The following LRP1B variants were observed in gnomAD, a reference collection of about 807,000 sequenced individuals.
LRP1B encodes the protein LDL receptor related protein 1B.
LRP1B carries 217 observed loss-of-function variants against 556.6 expected under a neutral mutation model. The ratio of observed to expected loss-of-function variants is 0.39; its 90% confidence interval spans 0.35 to 0.44. The LOEUF (loss-of-function observed/expected upper bound fraction) is 0.44. Among genes scored for constraint, LRP1B ranks in the 20% least tolerant of loss-of-function variants. LRP1B has a pLI of 1.00. For missense variants in LRP1B, 5,053 were observed against 5,620.8 expected (o/e 0.90, Z 3.23); for synonymous variants, 2,047 against 1,865.8 (o/e 1.10, Z -2.50).
At chr2:141,125,598 T>G (rs1188449750) in intron 7 of LRP1B, among the ~76,000 whole-genome samples, 1 of 152,120 alleles carries the variant, frequency 6.6e-6, no homozygotes, top group African/African-American at 2.4e-5. Context: ...CCTTGCACAG[T>G]GAAGGCACAC....
At chr2:140,629,724 A>C (rs1683810078) in intron 41 of LRP1B, among the ~76,000 whole-genome samples, 1 of 152,218 alleles carries the variant, frequency 6.6e-6, no homozygotes, top group Non-Finnish European at 1.5e-5. Context: ...TCTTCCTATC[A>C]TACAAAGACA....
At chr2:140,840,120 G>T in intron 30 of LRP1B, 35 bp from the exon 31 acceptor site, 1 of 1,190,614 alleles carries the variant, frequency 8.4e-7, no homozygotes, top group Non-Finnish European at 1.2e-6. Context: ...GAAAATATTA[G>T]ATGTAGACCT....
intron 18 of LRP1B, among the ~76,000 whole-genome samples, chr2:140,973,430 G>GTAGAGA (rs1464133522): frequency 6.6e-6 from 1 of 152,058 alleles, no homozygotes; most frequent in Non-Finnish European, 1.5e-5. Context: ...GGATGGGGGG[G>GTAGAGA]TAGAGAGGAC....
At chr2:141,259,970 A>C (rs753338001) in intron 3 of LRP1B, among the ~76,000 whole-genome samples, 1 of 152,158 alleles carries the variant, frequency 6.6e-6, no homozygotes, top group Non-Finnish European at 1.5e-5. Flanking sequence ...TTATCCTGCC[A>C]TATCGTATAT....
Position 140,700,484 on chromosome 2 carries a change from A to T in LRP1B, c.6565T>A (p.Leu2189Ile), listed in dbSNP as rs2105421162. The change falls in exon 41 of 91, where the codon TTA becomes ATA. Residue 2189 changes from leucine (L) to isoleucine (I), a missense_variant. By Grantham distance (5) the Leu-to-Ile change is conservative (BLOSUM62 2). This residue lies in a region of LRP1B where 3,619 missense variants were observed against 3,931.9 expected (regional missense o/e 0.92). Coordinates refer to ENST00000389484, the MANE Select transcript of LRP1B (RefSeq NM_018557.3). Reference protein sequence around the residue: ...GVTCLRHEGYLLYSGRTILKS... With the variant: ...GVTCLRHEGYILYSGRTILKS... ...AATATTGTTCTTCCTGAATACAGTA[A>T]ATAGCCTTCATGCCTCAGGCAAGTA... The T allele has an allele frequency of 6.2e-7, 1 of 1,613,540 alleles. No homozygotes were observed. The highest frequency in any genetic ancestry group is 1.1e-5 in the South Asian group (1 of 91,070).
intron 3 of LRP1B, among the ~76,000 whole-genome samples, chr2:141,344,678 T>A (rs999742226): frequency 6.6e-6 from 1 of 152,322 alleles, no homozygotes; most frequent in East Asian, 1.9e-4. Context: ...CATTGAAATA[T>A]AAGCTCCATA....
At chr2:141,129,177 A>T (rs1558880417) in intron 7 of LRP1B, among the ~76,000 whole-genome samples, 1 of 152,168 alleles carries the variant, frequency 6.6e-6, no homozygotes, top group Non-Finnish European at 1.5e-5. Flanking sequence ...ACACATACAA[A>T]TCCTACAGTT....
chr2:141,685,483 C>T (rs533135525), intron 2 of LRP1B, among the ~76,000 whole-genome samples: 1 of 152,046 alleles, frequency 6.6e-6, no homozygotes, highest in South Asian at 2.1e-4. Context: ...CTGAGTAATG[C>T]CCACCCTCAA....
At chr2:141,832,333 A>T (rs557533314) in intron 1 of LRP1B, among the ~76,000 whole-genome samples, 35,366 of 135,734 alleles carry the variant, frequency 0.26, 4,428 homozygotes, top group Admixed American at 0.28. Flanking sequence ...TCTCTCACAC[A>T]CACACACACA....
rs761411456 is a variant in LRP1B, at chr2:141,946,493, CAG to C, written c.83-136094_83-136093del. On this transcript the variant is annotated intron_variant, in intron 1 of 90. Coordinates refer to ENST00000389484, the MANE Select transcript of LRP1B (RefSeq NM_018557.3). ...TAGAAGAAAGTCTAGGTATTAGCCA[CAG>C]GGGGGAAACAGAGTGAAAAATAATG... Among the ~76,000 whole-genome samples, 34 of 152,220 alleles carry C rather than the reference CAG, an allele frequency of 2.2e-4. 2 individuals are homozygous for C. Among genetic ancestry groups the C allele is most frequent in the Middle Eastern group, 6.8e-3 (2 of 294 alleles).
intron 1 of LRP1B, among the ~76,000 whole-genome samples, chr2:141,925,410 C>A (rs1700307821): frequency 6.6e-6 from 1 of 152,086 alleles, no homozygotes; most frequent in South Asian, 2.1e-4. Flanking sequence ...GCCTCTATGA[C>A]AACATTGCTC....
intron 32 of LRP1B, among the ~76,000 whole-genome samples, chr2:140,801,310 C>T (rs1384912734): frequency 2.0e-5 from 3 of 152,082 alleles, no homozygotes; most frequent in South Asian, 2.1e-4. Flanking sequence ...AGCCTTGAAA[C>T]GTGGATGGTG....
intron 5 of LRP1B, among the ~76,000 whole-genome samples, chr2:141,244,618 C>A (rs1252620108): frequency 1.3e-5 from 2 of 152,098 alleles, no homozygotes. Flanking sequence ...AAATTTTAAA[C>A]CTGATTGCAC....
chr2:140,521,571 AC>A (rs1169969036), intron 49 of LRP1B, among the ~76,000 whole-genome samples: 1 of 152,034 alleles, frequency 6.6e-6, no homozygotes, highest in Non-Finnish European at 1.5e-5. Context: ...GAATGATACT[AC>A]CACAAAAGAA....
chr2:141,062,738 T>C (rs890598086), intron 7 of LRP1B, among the ~76,000 whole-genome samples: 13 of 151,774 alleles, frequency 8.6e-5, no homozygotes, highest in African/African-American at 2.9e-4. Context: ...TGGTGGAGAA[T>C]AGCAAACCTG....
intron 1 of LRP1B, among the ~76,000 whole-genome samples, chr2:142,056,869 A>G (rs1704693308): frequency 6.6e-6 from 1 of 151,838 alleles, no homozygotes; most frequent in African/African-American, 2.4e-5. Context: ...AGCCCAGGCA[A>G]TCTATTTTAT....
intron 1 of LRP1B, among the ~76,000 whole-genome samples, chr2:142,101,906 A>G (rs1005745796): frequency 1.3e-5 from 2 of 152,164 alleles, no homozygotes. Context: ...CCATTACTTG[A>G]ACAAGCTTTT....
intron 1 of LRP1B, among the ~76,000 whole-genome samples, chr2:141,955,098 A>G (rs1701210839): frequency 6.6e-6 from 1 of 152,174 alleles, no homozygotes; most frequent in African/African-American, 2.4e-5. Flanking sequence ...AAGCCACTGC[A>G]TATCCTTTAT....
chr2:140,464,467 A>G (rs1211618130), intron 60 of LRP1B, among the ~76,000 whole-genome samples: 1 of 152,178 alleles, frequency 6.6e-6, no homozygotes, highest in East Asian at 1.9e-4. Context: ...TTCAATATTC[A>G]CCATCCAAAG....
Sources: gnomAD v4.1 joint callset for allele counts (sites outside exome capture counted in the v4.1 genomes callset) on GRCh38, gnomAD v4.1.1 for gene constraint, gnomAD v4.1.1 regional missense constraint, MANE v1.5 for transcripts, NCBI Gene and HGNC (gene_info 2026-07-23, HGNC 2026-07-21) for gene names.